SZT2: variants seen among roughly 807,000 people sequenced by gnomAD.
SZT2 encodes the protein KICSTOR complex protein SZT2.
SZT2 carries 216 observed loss-of-function variants against 404.2 expected under a neutral mutation model. The observed-to-expected ratio is 0.53, with a 90% CI of 0.48 to 0.60. The LOEUF (loss-of-function observed/expected upper bound fraction) is 0.60, where lower values mean the gene tolerates loss of function less well. SZT2 is among the 20% of genes least tolerant of loss of function. The pLI is 0.00. For missense variants in SZT2, 3,857 were observed against 4,459.2 expected (o/e 0.86, Z 3.85); for synonymous variants, 1,693 against 1,749.9 (o/e 0.97, Z 0.81).
Position 43,426,878 on chromosome 1 carries a change from C to T in SZT2, c.3309+69C>T. ...CCTTCCAGCACCACATCTTCAGGCC[C>T]CAACCTTCTACCGCCCTTGAGACTA... is the stretch of plus-strand genomic sequence containing the variant. On this transcript the variant is annotated intron_variant, in intron 23 of 71. Transcript: ENST00000634258. This position sits in a 1 kb window ranked among gnomAD's most constrained non-coding sequence, Gnocchi z 4.9. The T allele has an allele frequency of 1.3e-6, 2 of 1,571,558 alleles. No homozygotes were observed. The highest frequency in any genetic ancestry group is 8.7e-7 in the Non-Finnish European group (1 of 1,146,454).
At chr1:43,418,827 G>C (rs1651998908) in intron 7 of SZT2, among the ~76,000 whole-genome samples, 1 of 152,154 alleles carries the variant, frequency 6.6e-6, no homozygotes, top group South Asian at 2.1e-4. Context: ...GGCAGTCTCA[G>C]TGAGGTCAAA....
At position 43,437,744 on chromosome 1, in the gene SZT2, C is replaced by A; in HGVS notation, c.6396+44C>A. The A allele has an allele frequency of 6.2e-7, 1 of 1,614,058 alleles. No homozygotes were observed. Among genetic ancestry groups the A allele is most frequent in the East Asian group, 2.2e-5 (1 of 44,866 alleles). On this transcript the variant is annotated intron_variant, in intron 45 of 71. Coordinates refer to ENST00000634258, the MANE Select transcript of SZT2 (RefSeq NM_001365999.1). The surrounding 1 kb of genome is among the most constrained non-coding windows in gnomAD (Gnocchi z 5.3). ...CTCTGATGCCCCTGTGTTCCTCTTG[C>A]ACTTTGCTCTCTGGAACCGGGGCCC...
At chr1:43,396,259 C>A (rs1371216403) in intron 1 of SZT2, among the ~76,000 whole-genome samples, 2 of 152,170 alleles carry the variant, frequency 1.3e-5, no homozygotes, top group African/African-American at 4.8e-5. Flanking sequence ...CCATTTGAGA[C>A]ACACTTAAAG....
chr1:43,438,376 A>G (rs1213475248), intron 46 of SZT2, among the ~76,000 whole-genome samples: 2 of 152,186 alleles, frequency 1.3e-5, no homozygotes, highest in African/African-American at 2.4e-5. Flanking sequence ...TTATAGCTCA[A>G]TTAACATGTG....
intron 42 of SZT2, chr1:43,436,927 CATT>C: frequency 1.8e-6 from 1 of 552,838 alleles, no homozygotes; most frequent in Non-Finnish European, 3.2e-6. Flanking sequence ...TGATACCTCT[CATT>C]AGCTCCTTCT....
Position 43,420,546 on chromosome 1 carries a change from G to A in SZT2, c.1262-203G>A, listed in dbSNP as rs1471254954. The stretch of plus-strand genomic sequence containing the variant: ...CCAGCTGAGGGTGGTATAGGGTCCT[G>A]AACTTGGCTTAGTTTTCAGATTGTT... On this transcript the variant is annotated intron_variant, in intron 9 of 71. Coordinates refer to ENST00000634258, the MANE Select transcript of SZT2 (RefSeq NM_001365999.1). The surrounding 1 kb of genome is among the most constrained non-coding windows in gnomAD (Gnocchi z 5.1). Among the ~76,000 whole-genome samples, 1 of 152,200 alleles carries A rather than the reference G, an allele frequency of 6.6e-6. No homozygotes were observed. Among genetic ancestry groups the A allele is most frequent in the Non-Finnish European group, 1.5e-5 (1 of 68,050 alleles).
At chr1:43,415,419 A>C (rs1651588533) in intron 5 of SZT2, among the ~76,000 whole-genome samples, 1 of 152,204 alleles carries the variant, frequency 6.6e-6, no homozygotes, top group Non-Finnish European at 1.5e-5. Flanking sequence ...TCAGGGAAAA[A>C]ATGTGAAATC....
chr1:43,450,625 T>C lies in SZT2; in HGVS notation c.*145T>C, dbSNP rs550604717. The stretch of plus-strand genomic sequence containing the variant: ...CACCAAAGGCTTTGTAACTATGTCT[T>C]GAGGGTCTGCTGCCCCAGCCTGGCA... On this transcript the variant is annotated 3_prime_UTR_variant, in exon 72 of 72. Coordinates refer to ENST00000634258, the MANE Select transcript of SZT2 (RefSeq NM_001365999.1). The surrounding 1 kb of genome is among the most constrained non-coding windows in gnomAD (Gnocchi z 4.3). 1.8e-5 allele frequency: 23 copies of C among 1,265,222 alleles called. No individual in the cohort carries two copies. The highest frequency in any genetic ancestry group is 4.5e-5 in the African/African-American group (3 of 66,924). The allele number at this position is 1,265,222 out of a possible 1,614,324, so 78.4% of individuals were successfully genotyped here. A position where few individuals can be genotyped will look rare whatever the true frequency, so the allele number is the denominator to read the frequency against.
rs1375737352 is a variant in SZT2, at chr1:43,441,088, C to T, written c.7345-126C>T. 1.8e-5 allele frequency: 23 copies of T among 1,248,020 alleles called. No homozygotes were observed. The highest frequency in any genetic ancestry group is 2.5e-5 in the Non-Finnish European group (22 of 896,852). The allele number at this position is 1,248,020 out of a possible 1,614,324, so 77.3% of individuals were successfully genotyped here. A position where few individuals can be genotyped will look rare whatever the true frequency, so the allele number is the denominator to read the frequency against. On this transcript the variant is annotated intron_variant, in intron 52 of 71. Coordinates refer to ENST00000634258, the MANE Select transcript of SZT2 (RefSeq NM_001365999.1). This position sits in a 1 kb window ranked among gnomAD's most constrained non-coding sequence, Gnocchi z 4.8. ...CCTGCCCAAGGCTCCTTAGCCAGCC[C>T]CTGGGGAAGCCAGGGTCTGAACCCA...
In SZT2 at chr1:43,439,301, C is replaced by A. The variant is rs1267924819; in HGVS notation, c.6793-57C>A. The stretch of plus-strand genomic sequence containing the variant: ...ACATTCCCCACTGTGGGCACCCATC[C>A]CCGAGGGTTTTGTCCATTTGCTTGC... On this transcript the variant is annotated intron_variant, in intron 48 of 71. Transcript: ENST00000634258. The surrounding 1 kb of genome is among the most constrained non-coding windows in gnomAD (Gnocchi z 4.2). 1.3e-6 allele frequency: 2 copies of A among 1,594,828 alleles called. No individual in the cohort carries two copies. The highest frequency in any genetic ancestry group is 1.7e-6 in the Non-Finnish European group (2 of 1,163,312).
chr1:43,412,556 G>A (rs778972355), intron 4 of SZT2: 3 of 152,374 alleles, frequency 2.0e-5, no homozygotes, highest in Non-Finnish European at 4.4e-5. Context: ...AAAGTGCTGG[G>A]ATTACACATG....
chr1:43,447,625 A>G lies in SZT2; in HGVS notation c.9367A>G (p.Met3123Val). The change falls in exon 67 of 72, where the codon ATG becomes GTG. Residue 3123 changes from methionine to valine, a missense_variant. Met to Val is a conservative substitution (Grantham distance 21, BLOSUM62 1). This residue lies in a region of SZT2 where 717 missense variants were observed against 868.2 expected (regional missense o/e 0.83). Transcript: ENST00000634258. The stretch of plus-strand genomic sequence containing the variant: ...GGCTGATCACGCCAGCTCTTACCAC[A>G]TGAAGCCATTGCGAATGGCCCGGCC... ...YVADHASSYH[M>V]KPLRMARPGG... The G allele has an allele frequency of 6.2e-7, 1 of 1,614,224 alleles. No homozygotes were observed.
intron 66 of SZT2, 57 bp from the exon 67 acceptor site, chr1:43,447,488 G>T: frequency 1.3e-6 from 2 of 1,584,360 alleles, no homozygotes; most frequent in Non-Finnish European, 1.7e-6. Context: ...TGCCCCACCA[G>T]ACCAGTGTGT....
In SZT2 at chr1:43,420,358, A is replaced by G. The variant is rs1339403289; in HGVS notation, c.1261+35A>G. The G allele has an allele frequency of 4.6e-6, 7 of 1,518,588 alleles. No individual in the cohort carries two copies. Among genetic ancestry groups the G allele is most frequent in the Admixed American group, 2.1e-5 (1 of 47,390 alleles). The allele number at this position is 1,518,588 out of a possible 1,614,324, so 94.1% of individuals were successfully genotyped here. On this transcript the variant is annotated intron_variant, in intron 9 of 71. Transcript: ENST00000634258. The surrounding 1 kb of genome is among the most constrained non-coding windows in gnomAD (Gnocchi z 5.1). ...ATTAGGCCCTGCTGTAATCCCATAG[A>G]TCTCTCAAGAATTTGTGTGTGGGAA...
chr1:43,453,722 C>A lies in SZT2; in HGVS notation c.*3242C>A, dbSNP rs1361372567. The A allele has an allele frequency of 7.2e-7, 1 of 1,392,646 alleles. No individual in the cohort carries two copies. The allele number at this position is 1,392,646 out of a possible 1,614,324, so 86.3% of individuals were successfully genotyped here. Reference sequence around the variant, plus strand: ...CGAAGCCCGAGCTGCCCGCGGCCCGCACCCGCGCGGGGAGGCCGGAGAGCT... The same window carrying A: ...CGAAGCCCGAGCTGCCCGCGGCCCGAACCCGCGCGGGGAGGCCGGAGAGCT... On this transcript the variant is annotated 3_prime_UTR_variant, in exon 72 of 72. Transcript: ENST00000634258.
At chr1:43,391,220 A>C (rs749625846) in intron 1 of SZT2, among the ~76,000 whole-genome samples, 2 of 152,164 alleles carry the variant, frequency 1.3e-5, no homozygotes, top group Non-Finnish European at 2.9e-5. Context: ...AGGCTGAGGC[A>C]GGAGAATCGC....
chr1:43,420,060 C>T lies in SZT2; in HGVS notation c.1091-93C>T. Reference sequence around the variant, plus strand: ...GGGCTGGCTCTGCTGGCACTGTTACCTCACAGTCATTTCAGCATAGCCCCT... The same window carrying T: ...GGGCTGGCTCTGCTGGCACTGTTACTTCACAGTCATTTCAGCATAGCCCCT... On this transcript the variant is annotated intron_variant, in intron 8 of 71. Transcript: ENST00000634258. This position sits in a 1 kb window ranked among gnomAD's most constrained non-coding sequence, Gnocchi z 5.1. The T allele has an allele frequency of 1.9e-6, 3 of 1,564,180 alleles. No individual in the cohort carries two copies. Among genetic ancestry groups the T allele is most frequent in the Non-Finnish European group, 2.6e-6 (3 of 1,157,088 alleles).
chr1:43,435,361 G>C, intron 42 of SZT2, 32 bp downstream of exon 42: 1 of 1,612,126 alleles, frequency 6.2e-7, no homozygotes, highest in Non-Finnish European at 8.5e-7. Context: ...TCCCTCACAA[G>C]GCAGTGCTGC....
chr1:43,412,849 G>T (rs1651236195), intron 4 of SZT2: 2 of 151,890 alleles, frequency 1.3e-5, no homozygotes, highest in Admixed American at 1.3e-4. Context: ...TCTTAAAAAA[G>T]ATCTCAATAG....
Sources: gnomAD v4.1 joint callset for allele counts (sites outside exome capture counted in the v4.1 genomes callset) on GRCh38, gnomAD v4.1.1 for gene constraint, gnomAD v4.1.1 regional missense constraint, Gnocchi (gnomAD v3.1) non-coding constraint, MANE v1.5 for transcripts, NCBI Gene and HGNC (gene_info 2026-07-23, HGNC 2026-07-21) for gene names.